The following SLC39A8 variants were observed in gnomAD, a reference collection of about 807,000 sequenced individuals.
SLC39A8 encodes metal cation symporter ZIP8.
In SLC39A8, 15 loss-of-function variants were observed where a neutral mutation model predicts 40.4. That is an observed-to-expected ratio of 0.37 (90% CI 0.25 to 0.57). SLC39A8 has a LOEUF of 0.57. SLC39A8 is among the 20% of genes least tolerant of loss of function. The pLI is 0.75. For synonymous variants in SLC39A8, 223 were observed against 221.6 expected (o/e 1.01, Z -0.06); for missense variants, 472 against 558.8 (o/e 0.84, Z 1.57).
intron 2 of SLC39A8, 83 bp from the exon 3 acceptor site, chr4:102,315,913 A>G: frequency 1.7e-6 from 2 of 1,182,542 alleles, no homozygotes; most frequent in Non-Finnish European, 2.3e-6. Context: ...GACACAGACT[A>G]TTTCATCTAG....
intron 6 of SLC39A8, among the ~76,000 whole-genome samples, chr4:102,295,324 A>C (rs1432302696): frequency 1.3e-5 from 2 of 151,852 alleles, no homozygotes; most frequent in African/African-American, 4.8e-5. Context: ...TTAAAATTAT[A>C]AACTCCACAA....
At chr4:102,320,205 A>ATATATATATG (rs1734861358) in intron 2 of SLC39A8, among the ~76,000 whole-genome samples, 1 of 136,450 alleles carries the variant, frequency 7.3e-6, no homozygotes, top group African/African-American at 2.8e-5. Flanking sequence ...ATATATATGT[A>ATATATATATG]TATATATATG....
chr4:102,253,915 A>G (rs1731651522), intron 11 of SLC39A8, among the ~76,000 whole-genome samples: 1 of 152,084 alleles, frequency 6.6e-6, no homozygotes, highest in Admixed American at 6.5e-5. Context: ...TGCTTGTGGT[A>G]ATGTTATTAA....
At position 102,253,496 on chromosome 4, in the gene SLC39A8, T is replaced by G. The variant is rs17032286; in HGVS notation, c.*299-66A>C. The G allele has an allele frequency of 0.026, 17,507 of 684,240 alleles. 312 individuals carry two copies. The highest frequency in any genetic ancestry group is 0.067 in the East Asian group (2,363 of 35,272). 42.4% of individuals were successfully genotyped at this position (684,240 alleles called of 1,614,324 possible). A position where few individuals can be genotyped will look rare whatever the true frequency, so the allele number is the denominator to read the frequency against. On this transcript the variant is annotated intron_variant and NMD_transcript_variant, in intron 11 of 11. Transcript: ENST00000424970. Reference sequence around the variant, plus strand: ...TGTGAGTTACCATGTTTCCGTAATCTTTCAGTCCTCTAAGTTGTTAGCTTT... The same window carrying G: ...TGTGAGTTACCATGTTTCCGTAATCGTTCAGTCCTCTAAGTTGTTAGCTTT...
intron 5 of SLC39A8, 129 bp from the exon 6 acceptor site, chr4:102,304,610 AT>A: frequency 1.5e-6 from 1 of 672,832 alleles, no homozygotes; most frequent in South Asian, 2.6e-5. Flanking sequence ...GTAAAGAAGT[AT>A]TTTTAGATAT....
intron 2 of SLC39A8, among the ~76,000 whole-genome samples, chr4:102,337,762 AT>A (rs1022053967): frequency 1.3e-5 from 2 of 152,242 alleles, no homozygotes; most frequent in African/African-American, 2.4e-5. Context: ...AAAGTGAGAA[AT>A]GAACTGAAAG....
intron 6 of SLC39A8, among the ~76,000 whole-genome samples, chr4:102,274,649 A>T (rs190262660): frequency 3.1e-4 from 47 of 152,284 alleles, no homozygotes; most frequent in Non-Finnish European, 5.9e-5. Flanking sequence ...ACACATAATC[A>T]TCAGATTCAC....
chr4:102,274,402 A>G (rs1216112678), intron 6 of SLC39A8, among the ~76,000 whole-genome samples: 2 of 152,242 alleles, frequency 1.3e-5, no homozygotes, highest in Admixed American at 1.3e-4. Context: ...AGATTAGAGA[A>G]AAAACAATGA....
intron 6 of SLC39A8, among the ~76,000 whole-genome samples, chr4:102,288,074 C>T (rs1225856471): frequency 6.6e-6 from 1 of 152,112 alleles, no homozygotes; most frequent in Non-Finnish European, 1.5e-5. Flanking sequence ...CTTTATTGTG[C>T]TTCTCAGATA....
At chr4:102,336,954 T>C in intron 2 of SLC39A8, among the ~76,000 whole-genome samples, 1 of 152,186 alleles carries the variant, frequency 6.6e-6, no homozygotes, top group East Asian at 1.9e-4. Context: ...GCCTAGAGTT[T>C]AGTAACATTC....
chr4:102,272,504 G>A (rs191034357), intron 6 of SLC39A8, among the ~76,000 whole-genome samples: 6 of 152,140 alleles, frequency 3.9e-5, no homozygotes, highest in Non-Finnish European at 7.4e-5. Flanking sequence ...CCAGCTACTC[G>A]AAAGGCTGAA....
chr4:102,336,114 G>GA (rs1344631823), intron 2 of SLC39A8, among the ~76,000 whole-genome samples: 1 of 152,066 alleles, frequency 6.6e-6, no homozygotes, highest in African/African-American at 2.4e-5. Context: ...ATAGGTAATG[G>GA]AAAAAAGTCT....
intron 8 of SLC39A8, among the ~76,000 whole-genome samples, chr4:102,266,914 T>C (rs945143447): frequency 1.2e-4 from 18 of 152,230 alleles, no homozygotes; most frequent in Admixed American, 9.8e-4. Context: ...CCATGCACGC[T>C]CTTTTGAGCA....
intron 2 of SLC39A8, among the ~76,000 whole-genome samples, chr4:102,338,211 G>A (rs569720856): frequency 1.3e-5 from 2 of 148,896 alleles, no homozygotes; most frequent in East Asian, 3.9e-4. Flanking sequence ...TTTCGAGACG[G>A]AGTCTTACTT....
chr4:102,320,423 AATAT>A (rs561114741), intron 2 of SLC39A8, among the ~76,000 whole-genome samples: 7 of 74,752 alleles, frequency 9.4e-5, no homozygotes, highest in African/African-American at 3.6e-4. Context: ...TATATATGAG[AATAT>A]ATATATATGA....
intron 3 of SLC39A8, among the ~76,000 whole-genome samples, chr4:102,315,319 G>C (rs1734607467): frequency 6.6e-6 from 1 of 151,842 alleles, no homozygotes; most frequent in Non-Finnish European, 1.5e-5. Flanking sequence ...AAAATAATAT[G>C]GTAAGCAAAA....
intron 6 of SLC39A8, among the ~76,000 whole-genome samples, chr4:102,289,293 A>C (rs970387492): frequency 2.0e-5 from 3 of 152,144 alleles, no homozygotes; most frequent in Non-Finnish European, 4.4e-5. Flanking sequence ...ACAGCTCAGA[A>C]AAATAAAAGA....
intron 6 of SLC39A8, among the ~76,000 whole-genome samples, chr4:102,293,104 A>G (rs1733524241): frequency 1.3e-5 from 2 of 151,990 alleles, no homozygotes; most frequent in Non-Finnish European, 2.9e-5. Flanking sequence ...ATAATTATTC[A>G]CTCATTTAAT....
At chr4:102,320,300 ATATATATGAGTATATATATATGAGAATG>A (rs1560561134) in intron 2 of SLC39A8, among the ~76,000 whole-genome samples, 5 of 111,006 alleles carry the variant, frequency 4.5e-5, no homozygotes, top group East Asian at 2.2e-4. Context: ...ATATGAGAAT[ATATATATGAGTATATATATATGAGAATG>A]TATATATGAG....
Sources: gnomAD v4.1 joint callset for allele counts (sites outside exome capture counted in the v4.1 genomes callset) on GRCh38, gnomAD v4.1.1 for gene constraint, MANE v1.5 for transcripts, NCBI Gene and HGNC (gene_info 2026-07-23, HGNC 2026-07-21) for gene names.